Variants in LINGO1 observed in about 807,000 individuals in gnomAD.
LINGO1 encodes the protein leucine rich repeat and Ig domain containing 1.
A neutral mutation model predicts 37.3 loss-of-function variants in LINGO1; 11 were observed. That is an observed-to-expected ratio of 0.29 (90% confidence interval 0.19 to 0.49). LINGO1 has a LOEUF of 0.49. LINGO1 is among the 20% of genes least tolerant of loss of function. LINGO1 has a pLI of 0.99. For missense variants in LINGO1, 585 were observed against 878.2 expected, an observed-to-expected ratio of 0.67 and a Z score of 4.22; for synonymous variants, 387 against 403.0, an observed-to-expected ratio of 0.96 and a Z score of 0.48.
chr15:77,625,672 C>A (rs1004494343), intron 1 of LINGO1, among the ~76,000 whole-genome samples: 5 of 152,160 alleles, frequency 3.3e-5, no homozygotes, highest in African/African-American at 1.2e-4. Flanking sequence ...ATGCACCTTG[C>A]CTAAAGTCCC....
chr15:77,773,732 G>A (rs74027317), intron 1 of LINGO1, among the ~76,000 whole-genome samples: 2,952 of 152,184 alleles, frequency 0.019, 100 homozygotes, highest in African/African-American at 0.068. Context: ...AGCCTGGGCC[G>A]TGAAGATTTT....
At chr15:77,794,334 A>G (rs1474937903) in intron 2 of LINGO1, among the ~76,000 whole-genome samples, 1 of 126,024 alleles carries the variant, frequency 7.9e-6, no homozygotes, top group Non-Finnish European at 1.7e-5. Context: ...ACATATATGT[A>G]TATACATACA....
intron 2 of LINGO1, among the ~76,000 whole-genome samples, chr15:77,728,804 C>T (rs1005309107): frequency 6.6e-6 from 1 of 152,254 alleles, no homozygotes; most frequent in Admixed American, 6.5e-5. Flanking sequence ...TCTGTCTGCA[C>T]TTCAGTTCTC....
intron 3 of LINGO1, among the ~76,000 whole-genome samples, chr15:77,675,617 G>A (rs1035662478): frequency 4.6e-5 from 7 of 152,244 alleles, no homozygotes; most frequent in South Asian, 2.1e-4. Context: ...CGAGTTATCC[G>A]TGTTAGCTCT....
At chr15:77,634,314 T>G (rs1418045025), upstream of LINGO1, 4 of 455,920 alleles carry the variant, frequency 8.8e-6, no homozygotes, top group East Asian at 2.8e-4. Flanking sequence ...TACTTCTCAG[T>G]CTCTCTGGCA....
At chr15:77,685,706 C>T (rs1022280268) in intron 2 of LINGO1, among the ~76,000 whole-genome samples, 33 of 116,952 alleles carry the variant, frequency 2.8e-4, no homozygotes, top group Non-Finnish European at 4.8e-4. Flanking sequence ...AAAAAAAAAA[C>T]GCCAGGAATG....
chr15:77,674,709 G>T (rs1193586557), intron 3 of LINGO1, among the ~76,000 whole-genome samples: 1 of 151,794 alleles, frequency 6.6e-6, no homozygotes, highest in South Asian at 2.1e-4. Context: ...GCCACCTCTC[G>T]AAGAGACCTT....
intron 1 of LINGO1, among the ~76,000 whole-genome samples, chr15:77,629,780 C>T (rs939051708): frequency 5.3e-5 from 8 of 152,120 alleles, no homozygotes; most frequent in East Asian, 1.9e-4. Context: ...AGCCCAGAGC[C>T]GAGCAGGCAG....
intron 1 of LINGO1, among the ~76,000 whole-genome samples, chr15:77,801,142 C>G (rs2076914834): frequency 6.6e-6 from 1 of 152,198 alleles, no homozygotes; most frequent in Non-Finnish European, 1.5e-5. Context: ...CACTCTACAA[C>G]CTAGTAATTC....
At chr15:77,662,939 G>A (rs2075029809) in intron 3 of LINGO1, among the ~76,000 whole-genome samples, 2 of 152,188 alleles carry the variant, frequency 1.3e-5, no homozygotes, top group South Asian at 4.1e-4. Flanking sequence ...GGACAAGCAA[G>A]GCCCCTGCAG....
chr15:77,658,815 G>C (rs1389590445), intron 3 of LINGO1, among the ~76,000 whole-genome samples: 1 of 152,214 alleles, frequency 6.6e-6, no homozygotes, highest in African/African-American at 2.4e-5. Flanking sequence ...TGAAGATCTG[G>C]GGGGCAACAG....
At chr15:77,714,164 G>A (rs529508188) in intron 2 of LINGO1, among the ~76,000 whole-genome samples, 10 of 152,078 alleles carry the variant, frequency 6.6e-5, no homozygotes, top group Admixed American at 6.6e-5. Context: ...TGACCGCAGC[G>A]GCTCAAGCCA....
At chr15:77,640,968 G>T (rs966075425) in intron 3 of LINGO1, among the ~76,000 whole-genome samples, 33 of 152,332 alleles carry the variant, frequency 2.2e-4, no homozygotes, top group African/African-American at 7.7e-4. Flanking sequence ...AGAAGTGGGG[G>T]TGGGGCTGCA....
intron 1 of LINGO1, among the ~76,000 whole-genome samples, chr15:77,759,943 C>G (rs369294788): frequency 6.6e-6 from 1 of 152,268 alleles, no homozygotes; most frequent in East Asian, 1.9e-4. Context: ...CTACTGCTCA[C>G]CTGGTGCCAG....
At chr15:77,760,119 C>T (rs1373923009) in intron 1 of LINGO1, among the ~76,000 whole-genome samples, 1 of 152,240 alleles carries the variant, frequency 6.6e-6, no homozygotes, top group Non-Finnish European at 1.5e-5. Context: ...TGTTTCCCTG[C>T]AGCAGCCGTG....
At chr15:77,658,367 CTG>C (rs2074913851) in intron 3 of LINGO1, among the ~76,000 whole-genome samples, 1 of 152,220 alleles carries the variant, frequency 6.6e-6, no homozygotes, top group Admixed American at 6.5e-5. Context: ...GTGAAACAGT[CTG>C]TGTACACACT....
chr15:77,744,438 G>A (rs2076293490), intron 1 of LINGO1, among the ~76,000 whole-genome samples: 1 of 152,158 alleles, frequency 6.6e-6, no homozygotes, highest in Non-Finnish European at 1.5e-5. Flanking sequence ...GGAGGCTGAG[G>A]TGGGAGAATC....
intron 3 of LINGO1, among the ~76,000 whole-genome samples, chr15:77,655,612 C>G (rs2141151663): frequency 6.6e-6 from 1 of 152,324 alleles, no homozygotes; most frequent in South Asian, 2.1e-4. Context: ...GCTCCACTGG[C>G]TGCACACCAC....
intron 3 of LINGO1, chr15:77,651,813 G>T (rs1160874169): frequency 6.6e-6 from 1 of 152,216 alleles, no homozygotes; most frequent in Non-Finnish European, 1.5e-5. Context: ...TGAACTAGCT[G>T]CTTTGGCCCT....
Sources: gnomAD v4.1 joint callset for allele counts (sites outside exome capture counted in the v4.1 genomes callset) on GRCh38, gnomAD v4.1.1 for gene constraint, MANE v1.5 for transcripts, NCBI Gene and HGNC (gene_info 2026-07-23, HGNC 2026-07-21) for gene names.